GPM6A: variants seen among roughly 807,000 people sequenced by gnomAD.
The protein encoded by GPM6A is glycoprotein M6A, also known as neuronal membrane glycoprotein M6-a.
GPM6A carries 7 observed loss-of-function variants against 32.1 expected under a neutral mutation model. The observed-to-expected ratio is 0.22, with a 90% CI of 0.12 to 0.41. The LOEUF (loss-of-function observed/expected upper bound fraction) is 0.41. GPM6A is among the 10% of genes least tolerant of loss of function. The pLI is 1.00. For synonymous variants in GPM6A, 130 were observed against 123.4 expected (o/e 1.05, Z -0.35); for missense variants, 235 against 347.2 (o/e 0.68, Z 2.57).
At chr4:175,730,869 C>A (rs1731398227) in intron 1 of GPM6A, among the ~76,000 whole-genome samples, 1 of 152,092 alleles carries the variant, frequency 6.6e-6, no homozygotes. Flanking sequence ...CCACTAATGA[C>A]CCCTCCATTT....
In GPM6A at chr4:175,786,633, C is replaced by T. The variant is rs372430453; in HGVS notation, c.37+25558G>A. ...CACATGAAAGCAGCTTGAGTCTAGA[C>T]GTTCCCTTCTCCCTCAGAACTAATA... On this transcript the variant is annotated intron_variant, in intron 1 of 6. Transcript: ENST00000393658. Among the ~76,000 whole-genome samples the T allele has an allele frequency of 1.6e-4, 25 of 152,182 alleles. No individual in the cohort carries two copies. The East Asian group carries it at 3.5e-3, about 21-fold the overall frequency.
intron 1 of GPM6A, among the ~76,000 whole-genome samples, chr4:175,791,611 C>T (rs557151429): frequency 1.5e-3 from 235 of 152,186 alleles, no homozygotes; most frequent in African/African-American, 5.5e-3. Context: ...CATCTTCATC[C>T]ACATAACAGA....
At chr4:175,704,061 A>G (rs1375698194) in intron 1 of GPM6A, among the ~76,000 whole-genome samples, 3 of 152,214 alleles carry the variant, frequency 2.0e-5, no homozygotes, top group Non-Finnish European at 2.9e-5. Flanking sequence ...GAAGGCATAG[A>G]TGCATATAGC....
chr4:175,895,165 A>G (rs1449737015), intron 1 of GPM6A, among the ~76,000 whole-genome samples: 1 of 152,178 alleles, frequency 6.6e-6, no homozygotes, highest in Non-Finnish European at 1.5e-5. Flanking sequence ...CTTGTGATTC[A>G]GTATGCCAGT....
At chr4:175,733,809 C>T (rs567508860) in intron 1 of GPM6A, among the ~76,000 whole-genome samples, 10 of 152,232 alleles carry the variant, frequency 6.6e-5, no homozygotes, top group East Asian at 3.9e-4. Context: ...ACAGCATAGG[C>T]GCTTAGCCAT....
rs113806572 is a variant in GPM6A, at chr4:175,736,356, C to T, written c.38-34589G>A. 7.2e-5 allele frequency among the ~76,000 whole-genome samples: 11 copies of T among 152,274 alleles called. 1 individual carries two copies. The highest frequency in any genetic ancestry group is 2.4e-4 in the African/African-American group (10 of 41,564). ...TGTAGAAAGGATTCTTAGAAGGAGG[C>T]ATGTATAAAAATGTGAATAAACTAA... On this transcript the variant is annotated intron_variant, in intron 1 of 6. Transcript: ENST00000393658.
At chr4:175,735,753 G>A (rs1398321687) in intron 1 of GPM6A, among the ~76,000 whole-genome samples, 1 of 151,970 alleles carries the variant, frequency 6.6e-6, no homozygotes, top group Non-Finnish European at 1.5e-5. Context: ...GTGGAGACTG[G>A]GTTTCACCAC....
chr4:175,870,505 A>G (rs1284460539), intron 1 of GPM6A, among the ~76,000 whole-genome samples: 1 of 152,208 alleles, frequency 6.6e-6, no homozygotes, highest in Non-Finnish European at 1.5e-5. Flanking sequence ...TGTATATAAA[A>G]TATTTATTTT....
intron 2 of GPM6A, among the ~76,000 whole-genome samples, chr4:175,701,271 T>C (rs991848303): frequency 6.6e-6 from 1 of 152,218 alleles, no homozygotes; most frequent in Non-Finnish European, 1.5e-5. Context: ...ACAGCCTCTG[T>C]TCAAATGAGA....
At chr4:175,756,544 T>G (rs1166155602) in intron 1 of GPM6A, among the ~76,000 whole-genome samples, 1 of 152,078 alleles carries the variant, frequency 6.6e-6, no homozygotes, top group Non-Finnish European at 1.5e-5. Context: ...GGTGGAACCA[T>G]TCATTGGGTT....
At chr4:175,659,314 A>G (rs1337032998) in intron 3 of GPM6A, among the ~76,000 whole-genome samples, 1 of 152,066 alleles carries the variant, frequency 6.6e-6, no homozygotes, top group African/African-American at 2.4e-5. Flanking sequence ...TCCTGAGCTC[A>G]GGCAATCCGC....
chr4:175,878,358 C>T (rs540131640), intron 1 of GPM6A, among the ~76,000 whole-genome samples: 6 of 152,328 alleles, frequency 3.9e-5, no homozygotes, highest in African/African-American at 9.6e-5. Context: ...CAGAGGTTCT[C>T]TGTGAGTGCC....
At chr4:175,771,799 A>G (rs1006813018) in intron 1 of GPM6A, among the ~76,000 whole-genome samples, 1 of 152,166 alleles carries the variant, frequency 6.6e-6, no homozygotes, top group African/African-American at 2.4e-5. Flanking sequence ...GGTGGTGAAC[A>G]AAGCAGGCAG....
chr4:175,955,763 T>A (rs889374737), intron 1 of GPM6A, among the ~76,000 whole-genome samples: 1 of 152,114 alleles, frequency 6.6e-6, no homozygotes, highest in Non-Finnish European at 1.5e-5. Context: ...CTTGCTTCAA[T>A]CACTGTAATG....
chr4:175,707,768 T>C (rs1038224947), intron 1 of GPM6A, among the ~76,000 whole-genome samples: 1 of 152,242 alleles, frequency 6.6e-6, no homozygotes, highest in African/African-American at 2.4e-5. Flanking sequence ...TCGATACTTA[T>C]GCTTTTACCT....
At chr4:175,894,032 A>G (rs932399570) in intron 1 of GPM6A, among the ~76,000 whole-genome samples, 3 of 152,188 alleles carry the variant, frequency 2.0e-5, no homozygotes, top group Admixed American at 6.5e-5. Flanking sequence ...GAGATTAAAA[A>G]TAAATTAATC....
chr4:175,736,320 A>G (rs377048844), intron 1 of GPM6A, among the ~76,000 whole-genome samples: 31 of 152,334 alleles, frequency 2.0e-4, no homozygotes, highest in African/African-American at 7.0e-4. Context: ...TGGCATAAAA[A>G]AAAGTTTTCT....
chr4:175,952,864 G>T (rs1293767600), intron 1 of GPM6A, among the ~76,000 whole-genome samples: 1 of 151,906 alleles, frequency 6.6e-6, no homozygotes, highest in Non-Finnish European at 1.5e-5. Flanking sequence ...TGAGCAACAT[G>T]GCAAAACCCC....
In GPM6A at chr4:175,883,236, T is replaced by C. The variant is rs943137423; in HGVS notation, c.-22-70987A>G. ...GGTTTGAGATTGCTTCTTCTGAAAA[T>C]ATGCACATGTAAGCTACTGCTCTAG... On this transcript the variant is annotated intron_variant, in intron 1 of 7. Coordinates refer to the GPM6A transcript ENST00000280187. Among the ~76,000 whole-genome samples, 7 of 152,176 alleles carry C rather than the reference T, an allele frequency of 4.6e-5. No individual in the cohort carries two copies. In the South Asian group the frequency reaches 1.5e-3, roughly 32 times the overall value.
Sources: allele counts gnomAD v4.1 joint callset (sites outside exome capture counted in the v4.1 genomes callset), GRCh38; gene constraint gnomAD v4.1.1; transcripts MANE v1.5; gene names NCBI Gene and HGNC (gene_info 2026-07-23, HGNC 2026-07-21).